ANKRD12: variants seen among roughly 807,000 people sequenced by gnomAD.
ANKRD12 encodes ankyrin repeat domain-containing protein 12.
Under a neutral mutation model 183.4 loss-of-function variants are expected in ANKRD12, and 85 were observed. The ratio of observed to expected loss-of-function variants is 0.46; its 90% CI spans 0.39 to 0.56. The LOEUF is 0.56. ANKRD12 is among the 20% of genes least tolerant of loss of function. The probability of loss-of-function intolerance (pLI) is 0.00; values close to 1 mark genes in which losing one functional copy is unlikely to be tolerated. For synonymous variants in ANKRD12, 914 were observed against 800.2 expected, an observed-to-expected ratio of 1.14 and a Z score of -2.40; for missense variants, 2,405 against 2,357.1, an observed-to-expected ratio of 1.02 and a Z score of -0.42.
intron 3 of ANKRD12, among the ~76,000 whole-genome samples, chr18:9,203,671 C>A (rs1231336594): frequency 6.6e-6 from 1 of 152,036 alleles, no homozygotes; most frequent in African/African-American, 2.4e-5. Flanking sequence ...ATGGCATGAT[C>A]TCAGCTTACC....
At chr18:9,187,288 C>T (rs1194996944) in intron 2 of ANKRD12, among the ~76,000 whole-genome samples, 3 of 152,164 alleles carry the variant, frequency 2.0e-5, no homozygotes, top group Non-Finnish European at 4.4e-5. Flanking sequence ...TGTGTTGATA[C>T]ACAGCTGTAT....
chr18:9,161,522 C>G (rs1274754638), intron 1 of ANKRD12, among the ~76,000 whole-genome samples: 1 of 151,750 alleles, frequency 6.6e-6, no homozygotes, highest in African/African-American at 2.4e-5. Flanking sequence ...ACCACAGGCG[C>G]CCGCCACCAC....
intron 8 of ANKRD12, among the ~76,000 whole-genome samples, chr18:9,248,492 A>T (rs1218863194): frequency 6.6e-6 from 1 of 152,196 alleles, no homozygotes; most frequent in Non-Finnish European, 1.5e-5. Flanking sequence ...TCTGCTTCAC[A>T]ATTGAACAGT....
chr18:9,252,770 G>T (rs2038375334), intron 8 of ANKRD12, among the ~76,000 whole-genome samples: 1 of 152,144 alleles, frequency 6.6e-6, no homozygotes, highest in South Asian at 2.1e-4. Flanking sequence ...TTCAAGACCA[G>T]CCTGGGCAAT....
chr18:9,143,438 C>T (rs377213918), intron 1 of ANKRD12, among the ~76,000 whole-genome samples: 25 of 152,156 alleles, frequency 1.6e-4, no homozygotes, highest in African/African-American at 5.8e-4. Context: ...GTAAAAACAT[C>T]TCAGGAGTGA....
At chr18:9,147,317 CT>C (rs2078524712) in intron 1 of ANKRD12, among the ~76,000 whole-genome samples, 1 of 151,956 alleles carries the variant, frequency 6.6e-6, no homozygotes, top group South Asian at 2.1e-4. Context: ...AGATAGGGCA[CT>C]TTTGGGGGTT....
chr18:9,229,942 T>A (rs2036946124), intron 8 of ANKRD12, among the ~76,000 whole-genome samples: 1 of 152,174 alleles, frequency 6.6e-6, no homozygotes, highest in Non-Finnish European at 1.5e-5. Context: ...TTTTGTTGTG[T>A]CCTTCTCTGG....
intron 8 of ANKRD12, among the ~76,000 whole-genome samples, chr18:9,242,788 T>C (rs996399389): frequency 6.6e-6 from 1 of 152,214 alleles, no homozygotes; most frequent in East Asian, 1.9e-4. Flanking sequence ...AGACTTAAGA[T>C]ATTTTCAGCT....
At chr18:9,185,835 G>C (rs1487102691) in intron 2 of ANKRD12, among the ~76,000 whole-genome samples, 3 of 152,162 alleles carry the variant, frequency 2.0e-5, no homozygotes, top group African/African-American at 7.2e-5. Flanking sequence ...GAGGTTAAGA[G>C]GAAAGATGAG....
intron 3 of ANKRD12, among the ~76,000 whole-genome samples, chr18:9,203,816 A>G (rs950466153): frequency 6.6e-6 from 1 of 152,000 alleles, no homozygotes; most frequent in Non-Finnish European, 1.5e-5. Context: ...TGTTGGCCAG[A>G]CTGGTCTTGA....
intron 3 of ANKRD12, among the ~76,000 whole-genome samples, chr18:9,204,011 A>G (rs2035335303): frequency 1.3e-5 from 2 of 152,224 alleles, no homozygotes; most frequent in African/African-American, 4.8e-5. Flanking sequence ...TTTGAAGTGT[A>G]TATAATTTGT....
At chr18:9,233,116 T>G (rs2037149251) in intron 8 of ANKRD12, among the ~76,000 whole-genome samples, 1 of 152,020 alleles carries the variant, frequency 6.6e-6, no homozygotes, top group African/African-American at 2.4e-5. Context: ...CCTCCCAAAG[T>G]GCTGTGATTA....
chr18:9,158,519 A>T (rs2044421409), intron 1 of ANKRD12, among the ~76,000 whole-genome samples: 1 of 152,164 alleles, frequency 6.6e-6, no homozygotes, highest in Non-Finnish European at 1.5e-5. Flanking sequence ...TTTTCTCATG[A>T]TTAGGCTGGG....
chr18:9,212,221 A>G (rs1373576275), intron 6 of ANKRD12, among the ~76,000 whole-genome samples: 1 of 152,064 alleles, frequency 6.6e-6, no homozygotes, highest in Non-Finnish European at 1.5e-5. Context: ...ATAATTCAAC[A>G]GTAAAAGTAT....
At chr18:9,175,591 T>A (rs1296701878) in intron 1 of ANKRD12, among the ~76,000 whole-genome samples, 1 of 130,140 alleles carries the variant, frequency 7.7e-6, no homozygotes, top group Non-Finnish European at 1.6e-5. Context: ...GCAGTGGCAC[T>A]ATCTCGGCTC....
rs1372776636 is a variant in ANKRD12, at chr18:9,281,156, A to C, written c.*30A>C. ...CAGTACTTCCTGATGGTATTGTCCT[A>C]AACTGGTGATGCTCAAGCATTATAC... is the stretch of plus-strand genomic sequence containing the variant. On this transcript the variant is annotated 3_prime_UTR_variant, in exon 13 of 13. Coordinates refer to ENST00000262126, the MANE Select transcript of ANKRD12 (RefSeq NM_015208.5). 1 of 1,576,482 alleles carries C rather than the reference A, an allele frequency of 6.3e-7. No homozygotes were observed. Among genetic ancestry groups the C allele is most frequent in the Admixed American group, 1.8e-5 (1 of 55,216 alleles).
intron 1 of ANKRD12, among the ~76,000 whole-genome samples, chr18:9,152,193 A>G (rs1004203974): frequency 4.6e-5 from 7 of 152,248 alleles, no homozygotes; most frequent in Admixed American, 2.0e-4. Flanking sequence ...AAAGCTAGAT[A>G]AAAATAAAAC....
chr18:9,222,022 T>G, intron 8 of ANKRD12, 23 bp downstream of exon 8: 1 of 1,609,722 alleles, frequency 6.2e-7, no homozygotes, highest in Non-Finnish European at 8.5e-7. Context: ...TAATCTACAT[T>G]CATCTGTTCG....
intron 8 of ANKRD12, among the ~76,000 whole-genome samples, chr18:9,242,008 A>G (rs569366762): frequency 9.2e-5 from 14 of 152,120 alleles, no homozygotes; most frequent in African/African-American, 2.4e-4. Flanking sequence ...AGCAGTGTCT[A>G]TAAGTCAAAA....
Sources: gnomAD v4.1 joint callset for allele counts (sites outside exome capture counted in the v4.1 genomes callset) on GRCh38, gnomAD v4.1.1 for gene constraint, MANE v1.5 for transcripts, NCBI Gene and HGNC (gene_info 2026-07-23, HGNC 2026-07-21) for gene names.